Variants in KAT6B observed in about 807,000 individuals in gnomAD.
KAT6B encodes the protein histone acetyltransferase KAT6B.
In KAT6B, 10 loss-of-function variants were observed where a neutral mutation model predicts 187.5. The observed-to-expected ratio is 0.05, with a 90% CI of 0.03 to 0.09. The LOEUF (loss-of-function observed/expected upper bound fraction) is 0.09, where lower values mean the gene tolerates loss of function less well. Among genes scored for constraint, KAT6B ranks in the 10% least tolerant of loss-of-function variants. The pLI, the probability that KAT6B is intolerant of heterozygous loss-of-function variation, is 1.00. For synonymous variants in KAT6B, 861 were observed against 926.8 expected, an observed-to-expected ratio of 0.93 and a Z score of 1.29; for missense variants, 1,952 against 2,558.9, an observed-to-expected ratio of 0.76 and a Z score of 5.12.
Position 75,030,086 on chromosome 10 carries a change from T to C in KAT6B, c.5262T>C (p.Cys1754=), listed in dbSNP as rs775997284. ...GCAGCGTCAAGTCTCCTCAAGGCTG[T>C]GTGGTGGAGAGGCCTCCGAGCAGCA... ...PTCSVKSPQG[C]VVERPPSSSQ... is the part of the protein sequence containing the mutation. The change falls in exon 18 of 18, where the codon TGT becomes TGC. Residue 1754 remains cysteine, a synonymous_variant. Transcript: ENST00000287239. The surrounding 1 kb of genome is among the most constrained non-coding windows in gnomAD (Gnocchi z 4.8). 19 of 1,614,058 alleles carry C rather than the reference T, an allele frequency of 1.2e-5. No homozygotes were observed. The Admixed American group carries it at 3.0e-4, about 25-fold the overall frequency.
At chr10:75,020,117 C>T (rs1194185675) in intron 13 of KAT6B, among the ~76,000 whole-genome samples, 1 of 152,160 alleles carries the variant, frequency 6.6e-6, no homozygotes, top group Non-Finnish European at 1.5e-5. Flanking sequence ...AGGTCCTTCT[C>T]TTTTTATTAA....
intron 3 of KAT6B, among the ~76,000 whole-genome samples, chr10:74,861,124 G>A (rs1225042608): frequency 3.3e-5 from 5 of 150,624 alleles, no homozygotes; most frequent in African/African-American, 1.2e-4. Context: ...CAACAAGAGT[G>A]AACCTCCGTC....
At chr10:75,002,321 C>G (rs1465624053) in intron 13 of KAT6B, among the ~76,000 whole-genome samples, 5 of 151,446 alleles carry the variant, frequency 3.3e-5, no homozygotes, top group African/African-American at 7.3e-5. Context: ...GACAGCATCT[C>G]TTAGGGACTT....
At chr10:74,877,903 C>G (rs1815249445) in intron 3 of KAT6B, among the ~76,000 whole-genome samples, 1 of 151,382 alleles carries the variant, frequency 6.6e-6, no homozygotes, top group Non-Finnish European at 1.5e-5. Flanking sequence ...TCATCCTCCC[C>G]ACTAAAGGGA....
intron 3 of KAT6B, among the ~76,000 whole-genome samples, chr10:74,927,414 T>C (rs556047398): frequency 6.8e-6 from 1 of 147,564 alleles, no homozygotes; most frequent in South Asian, 2.2e-4. Flanking sequence ...CAGCAGGAGG[T>C]GCCTCTGCTT....
chr10:74,955,807 A>G (rs1446540985), intron 3 of KAT6B, among the ~76,000 whole-genome samples: 1 of 152,206 alleles, frequency 6.6e-6, no homozygotes, highest in East Asian at 1.9e-4. Context: ...AATTATCCCA[A>G]TAATATCCTT....
rs1295525060 is a variant in KAT6B at position 74,976,599 on chromosome 10, T to C, written c.1993+269T>C. 10 of 506,004 alleles carry C rather than the reference T, an allele frequency of 2.0e-5. No individual in the cohort carries two copies. In the East Asian group the frequency reaches 3.3e-4, roughly 17 times the overall value. The allele number at this position is 506,004 out of a possible 1,614,324, so 31.3% of individuals were successfully genotyped here. A position where few individuals can be genotyped will look rare whatever the true frequency, so the allele number is the denominator to read the frequency against. On this transcript the variant is annotated intron_variant, in intron 8 of 17. Transcript: ENST00000287239. ...ACACTAGGACCCCCAGATGCCTTCA[T>C]AGCATTGCTTATGGCTTTGTAGTCC...
chr10:74,958,141 G>A (rs1187296933), intron 3 of KAT6B, among the ~76,000 whole-genome samples: 1 of 152,132 alleles, frequency 6.6e-6, no homozygotes, highest in Non-Finnish European at 1.5e-5. Context: ...ATGGTTTTTT[G>A]TTTTTGATGA....
intron 1 of KAT6B, among the ~76,000 whole-genome samples, chr10:74,835,521 A>C (rs1377438200): frequency 6.6e-6 from 1 of 152,250 alleles, no homozygotes; most frequent in African/African-American, 2.4e-5. Flanking sequence ...GTAATACCCG[A>C]AGTAACTCCT....
At chr10:75,004,886 G>C (rs1359087587) in intron 13 of KAT6B, among the ~76,000 whole-genome samples, 2 of 151,770 alleles carry the variant, frequency 1.3e-5, no homozygotes, top group South Asian at 2.1e-4. Context: ...GGGGAGGGGT[G>C]GGGGGTCAGC....
intron 3 of KAT6B, among the ~76,000 whole-genome samples, chr10:74,957,615 A>T (rs1840782171): frequency 6.6e-6 from 1 of 152,228 alleles, no homozygotes; most frequent in Non-Finnish European, 1.5e-5. Context: ...TGCATGAATG[A>T]TATGTGACAT....
At chr10:74,881,143 CAG>C (rs1441761910) in intron 3 of KAT6B, among the ~76,000 whole-genome samples, 7 of 152,102 alleles carry the variant, frequency 4.6e-5, no homozygotes, top group African/African-American at 1.4e-4. Flanking sequence ...CTCCTGACCT[CAG>C]GGGATCCGCC....
intron 3 of KAT6B, among the ~76,000 whole-genome samples, chr10:74,934,476 G>T (rs1393879527): frequency 6.6e-6 from 1 of 152,064 alleles, no homozygotes; most frequent in Admixed American, 6.6e-5. Flanking sequence ...TGAACTTCCT[G>T]ACTGACCATG....
intron 13 of KAT6B, among the ~76,000 whole-genome samples, chr10:75,009,407 G>A (rs1844438986): frequency 6.6e-6 from 1 of 152,132 alleles, no homozygotes; most frequent in Non-Finnish European, 1.5e-5. Flanking sequence ...ACCATTTCAA[G>A]CCTTTGCAGG....
intron 3 of KAT6B, among the ~76,000 whole-genome samples, chr10:74,895,247 T>C (rs1411160527): frequency 6.6e-6 from 1 of 152,124 alleles, no homozygotes; most frequent in Non-Finnish European, 1.5e-5. Flanking sequence ...AGTTTGTTGT[T>C]TTTTTGATTT....
chr10:75,021,102 T>C, intron 14 of KAT6B, 24 bp from the exon 15 acceptor site: 1 of 1,610,750 alleles, frequency 6.2e-7, no homozygotes, highest in South Asian at 1.1e-5. Context: ...TGATTACATC[T>C]TGTTCTGCCT....
chr10:75,020,913 C>A (rs1589822209), intron 14 of KAT6B, 100 bp downstream of exon 14: 2 of 1,066,108 alleles, frequency 1.9e-6, no homozygotes, highest in Admixed American at 3.8e-5. Flanking sequence ...GACTGAGGTT[C>A]CCTAACAGTA....
chr10:74,925,289 A>C (rs1314258629), intron 3 of KAT6B, among the ~76,000 whole-genome samples: 2 of 151,942 alleles, frequency 1.3e-5, no homozygotes, highest in East Asian at 3.9e-4. Flanking sequence ...TGATCCGCCC[A>C]CCTCAGCCTC....
rs758444265 is a variant in KAT6B at position 75,029,648 on chromosome 10, C to T, written c.4824C>T (p.Gly1608=). 1 of 1,614,152 alleles carries T rather than the reference C, an allele frequency of 6.2e-7. No homozygotes were observed. Among genetic ancestry groups the T allele is most frequent in the South Asian group, 1.1e-5 (1 of 91,076 alleles). The change falls in exon 18 of 18, where the codon GGC becomes GGT. Residue 1608 remains glycine, a synonymous_variant. Transcript: ENST00000287239. The surrounding 1 kb of genome is among the most constrained non-coding windows in gnomAD (Gnocchi z 6.2). ...TTTCATCCGTCCACTCCCATCCTGG[C>T]CAGTCCGTACGTTCTGTCAACAGCC... ...SPVSSVHSHP[G]QSVRSVNSPS...
Sources: gnomAD v4.1 joint callset for allele counts (sites outside exome capture counted in the v4.1 genomes callset) on GRCh38, gnomAD v4.1.1 for gene constraint, Gnocchi (gnomAD v3.1) non-coding constraint, MANE v1.5 for transcripts, NCBI Gene and HGNC (gene_info 2026-07-23, HGNC 2026-07-21) for gene names.